AGMO: variants seen among roughly 807,000 people sequenced by gnomAD.
The protein encoded by AGMO is glyceryl-ether monooxygenase.
AGMO carries 75 observed loss-of-function variants against 60.2 expected under a neutral mutation model. The ratio of observed to expected loss-of-function variants is 1.25; its 90% confidence interval spans 1.03 to 1.51. AGMO has a LOEUF of 1.51. Ranked by LOEUF, AGMO falls within the 40% of genes most tolerant of loss-of-function variation. AGMO has a pLI of 0.00. For synonymous variants in AGMO, 261 were observed against 177.1 expected (o/e 1.47, Z -3.76); for missense variants, 763 against 525.5 (o/e 1.45, Z -4.42).
chr7:15,323,439 G>A (rs1387203416), intron 12 of AGMO, among the ~76,000 whole-genome samples: 1 of 152,134 alleles, frequency 6.6e-6, no homozygotes, highest in Non-Finnish European at 1.5e-5. Flanking sequence ...AAGATAAAGT[G>A]TGAGGAGAAA....
chr7:15,436,497 C>A (rs1034215341), intron 3 of AGMO, among the ~76,000 whole-genome samples: 2 of 152,146 alleles, frequency 1.3e-5, no homozygotes, highest in Non-Finnish European at 2.9e-5. Context: ...AAACACCTCC[C>A]ATTAGGCCCC....
At chr7:15,505,671 T>A (rs1278664955) in intron 3 of AGMO, among the ~76,000 whole-genome samples, 4 of 152,034 alleles carry the variant, frequency 2.6e-5, no homozygotes, top group African/African-American at 9.7e-5. Flanking sequence ...CAAGTGTGAC[T>A]ACTTCTGAAA....
At chr7:15,193,369 T>G in the AGMO span, among the ~76,000 whole-genome samples, 560 of 152,326 alleles carry the variant, frequency 3.7e-3, 3 homozygotes, top group Non-Finnish European at 4.7e-3. Flanking sequence ...ATCAAGTAAT[T>G]TGTCTTATTT....
intron 2 of AGMO, among the ~76,000 whole-genome samples, chr7:15,551,836 A>G (rs1271438348): frequency 6.6e-6 from 1 of 152,152 alleles, no homozygotes; most frequent in African/African-American, 2.4e-5. Context: ...GTTCATATGG[A>G]ATCAAAAAAG....
At chr7:15,178,134 G>A in the AGMO span, among the ~76,000 whole-genome samples, 1 of 152,054 alleles carries the variant, frequency 6.6e-6, no homozygotes, top group Non-Finnish European at 1.5e-5. Flanking sequence ...CCTTTTGGGG[G>A]AGTGGAATAT....
At chr7:15,427,733 A>AT (rs1781108227) in intron 4 of AGMO, among the ~76,000 whole-genome samples, 1 of 152,280 alleles carries the variant, frequency 6.6e-6, no homozygotes, top group South Asian at 2.1e-4. Context: ...TTCTTAAGAC[A>AT]TGATAGTAGG....
At chr7:15,437,530 CCTTTTTT>C (rs1781433214) in intron 3 of AGMO, among the ~76,000 whole-genome samples, 1 of 121,110 alleles carries the variant, frequency 8.3e-6, no homozygotes, top group South Asian at 2.7e-4. Flanking sequence ...CAAATTTTTT[CCTTTTTT>C]TTTTTTTTTT....
At chr7:15,162,001 G>C in the AGMO span, among the ~76,000 whole-genome samples, 1 of 152,262 alleles carries the variant, frequency 6.6e-6, no homozygotes, top group East Asian at 1.9e-4. Flanking sequence ...TGTTGAGAAA[G>C]GGACCTGGTG....
chr7:15,308,744 C>G (rs974092197), intron 12 of AGMO, among the ~76,000 whole-genome samples: 1 of 152,082 alleles, frequency 6.6e-6, no homozygotes, highest in African/African-American at 2.4e-5. Flanking sequence ...AATATAACAA[C>G]TAATGTGTTA....
chr7:15,418,740 C>T (rs1780850024), intron 4 of AGMO, 87 bp from the exon 5 acceptor site: 1 of 796,234 alleles, frequency 1.3e-6, no homozygotes, highest in African/African-American at 1.8e-5. Context: ...ATGCATATTT[C>T]TTTAGGAAAT....
rs1357066854 is a variant in AGMO at position 15,460,642 on chromosome 7, T to A, written c.410-29534A>T. On this transcript the variant is annotated intron_variant, in intron 3 of 12. Transcript: ENST00000342526. ...TAATAAATTAAATATTGACCTAGGT[T>A]TTATGCTAATTTAGAAATACAAATT... 2.0e-5 allele frequency among the ~76,000 whole-genome samples: 3 copies of A among 152,204 alleles called. No homozygotes were observed. In the East Asian group the frequency reaches 5.8e-4, roughly 29 times the overall value.
At chr7:15,547,125 G>A (rs963629066) in intron 2 of AGMO, among the ~76,000 whole-genome samples, 2 of 149,534 alleles carry the variant, frequency 1.3e-5, no homozygotes, top group Non-Finnish European at 3.0e-5. Context: ...CCTTTCCTGT[G>A]CATCATAGAA....
At chr7:15,472,667 G>T (rs560584857) in intron 3 of AGMO, among the ~76,000 whole-genome samples, 10 of 152,030 alleles carry the variant, frequency 6.6e-5, no homozygotes, top group Non-Finnish European at 1.3e-4. Context: ...CTTGTTTGAT[G>T]TTTTAAGAAT....
intron 12 of AGMO, among the ~76,000 whole-genome samples, chr7:15,326,872 A>G (rs1781353220): frequency 1.3e-5 from 2 of 152,198 alleles, no homozygotes; most frequent in South Asian, 4.1e-4. Flanking sequence ...TTAAACTTCC[A>G]GAAATTATCT....
chr7:15,491,487 T>C (rs1783064702), intron 3 of AGMO, among the ~76,000 whole-genome samples: 1 of 152,182 alleles, frequency 6.6e-6, no homozygotes, highest in South Asian at 2.1e-4. Flanking sequence ...GTATAGTACT[T>C]ATTATGTGCC....
At chr7:15,181,179 C>T in the AGMO span, among the ~76,000 whole-genome samples, 4 of 152,166 alleles carry the variant, frequency 2.6e-5, no homozygotes, top group Admixed American at 2.6e-4. Flanking sequence ...ATAGTAGGTA[C>T]CAATTCCTAA....
chr7:15,386,879 T>C (rs1783936342), intron 9 of AGMO, among the ~76,000 whole-genome samples: 1 of 152,210 alleles, frequency 6.6e-6, no homozygotes, highest in Admixed American at 6.5e-5. Context: ...AGATCTTTTT[T>C]ATTTTTGGTT....
At chr7:15,195,113 C>T in the AGMO span, among the ~76,000 whole-genome samples, 6 of 152,152 alleles carry the variant, frequency 3.9e-5, no homozygotes, top group Admixed American at 3.9e-4. Flanking sequence ...CACACTACTA[C>T]AAGAGACCCT....
At chr7:15,435,325 T>A (rs1001145227) in intron 3 of AGMO, among the ~76,000 whole-genome samples, 2 of 151,942 alleles carry the variant, frequency 1.3e-5, no homozygotes, top group African/African-American at 2.4e-5. Flanking sequence ...TTTTTTTTTT[T>A]TTATTAGTAC....
Sources: gnomAD v4.1 joint callset for allele counts (sites outside exome capture counted in the v4.1 genomes callset) on GRCh38, gnomAD v4.1.1 for gene constraint, MANE v1.5 for transcripts, NCBI Gene and HGNC (gene_info 2026-07-23, HGNC 2026-07-21) for gene names.